Variants in PLBD2 observed in about 807,000 individuals in gnomAD.
The protein encoded by PLBD2 is putative aminopeptidase PLBD2.
Under a neutral mutation model 68.3 loss-of-function variants are expected in PLBD2, and 51 were observed. That is an observed-to-expected ratio of 0.75 (90% CI 0.60 to 0.94). The LOEUF (loss-of-function observed/expected upper bound fraction) is 0.94. PLBD2 is among the 40% of genes least tolerant of loss of function. PLBD2 has a pLI of 0.00. For synonymous variants in PLBD2, 314 were observed against 339.3 expected (o/e 0.93, Z 0.82); for missense variants, 729 against 792.2 (o/e 0.92, Z 0.96).
chr12:113,370,431 T>A (rs1015882665), intron 2 of PLBD2, among the ~76,000 whole-genome samples: 3 of 151,772 alleles, frequency 2.0e-5, no homozygotes, highest in African/African-American at 7.3e-5. Flanking sequence ...ATATTTTTTC[T>A]GTGTATCAGA....
rs1957394991 is a variant in PLBD2 at position 113,372,195 on chromosome 12, G to C, written c.385-454G>C. ...CAGGCGAGCCTGGACTCATGCAGGT[G>C]GCATCTCGGTGGGAAGTGCAGAGGG... is the stretch of plus-strand genomic sequence containing the variant. On this transcript the variant is annotated intron_variant, in intron 2 of 11. Coordinates refer to ENST00000280800, the MANE Select transcript of PLBD2 (RefSeq NM_173542.4). The surrounding 1 kb of genome is among the most constrained non-coding windows in gnomAD (Gnocchi z 4.2). Among the ~76,000 whole-genome samples the C allele has an allele frequency of 6.6e-6, 1 of 152,068 alleles. No individual in the cohort carries two copies. Among genetic ancestry groups the C allele is most frequent in the African/African-American group, 2.4e-5 (1 of 41,412 alleles).
rs1228703086 is a variant in PLBD2 at position 113,372,032 on chromosome 12, T to C, written c.385-617T>C. Among the ~76,000 whole-genome samples the C allele has an allele frequency of 6.6e-6, 1 of 152,124 alleles. No homozygotes were observed. The highest frequency in any genetic ancestry group is 6.5e-5 in the Admixed American group (1 of 15,268). On this transcript the variant is annotated intron_variant, in intron 2 of 11. Transcript: ENST00000280800. The surrounding 1 kb of genome is among the most constrained non-coding windows in gnomAD (Gnocchi z 4.2). The stretch of plus-strand genomic sequence containing the variant: ...GGAGGAGGTGGTGTCTTAGTGGGCC[T>C]TGAAGGATGAACAGGATTTGGATGT...
chr12:113,388,696 C>G lies in PLBD2; in HGVS notation c.*70C>G, dbSNP rs951766600. On this transcript the variant is annotated 3_prime_UTR_variant, in exon 12 of 12. Coordinates refer to ENST00000280800, the MANE Select transcript of PLBD2 (RefSeq NM_173542.4). ...CAGGGTCACCCCCGTCCCAAGGCCA[C>G]CGGACTTCTAACTCCAGCCCCTCCT... The G allele has an allele frequency of 4.1e-6, 6 of 1,469,204 alleles. No individual in the cohort carries two copies. Among genetic ancestry groups the G allele is most frequent in the Non-Finnish European group, 5.4e-6 (6 of 1,104,586 alleles). 91.0% of individuals were successfully genotyped at this position (1,469,204 alleles called of 1,614,324 possible).
intron 1 of PLBD2, among the ~76,000 whole-genome samples, chr12:113,360,114 T>C (rs768867804): frequency 7.2e-5 from 11 of 152,130 alleles, no homozygotes; most frequent in Non-Finnish European, 1.3e-4. Flanking sequence ...CCCATTCTGG[T>C]GGCACTTGGG....
At position 113,384,395 on chromosome 12, in the gene PLBD2, A is replaced by T. The variant is rs561928398; in HGVS notation, c.1118+130A>T. ...CACCCCACGCCCTCCTTTGTTTCAT[A>T]CATGGGGAGACTGAGGCTAGGGAAG... On this transcript the variant is annotated intron_variant, in intron 7 of 11. Transcript: ENST00000280800. The surrounding 1 kb of genome is among the most constrained non-coding windows in gnomAD (Gnocchi z 4.2). 2 of 1,182,682 alleles carry T rather than the reference A, an allele frequency of 1.7e-6. No homozygotes were observed. Among genetic ancestry groups the T allele is most frequent in the South Asian group, 1.6e-5 (1 of 61,144 alleles). 73.3% of individuals were successfully genotyped at this position (1,182,682 alleles called of 1,614,324 possible).
At chr12:113,387,198 G>A (rs1957561182) in intron 10 of PLBD2, 109 bp downstream of exon 10, 2 of 1,371,142 alleles carry the variant, frequency 1.5e-6, no homozygotes, top group African/African-American at 1.5e-5. Flanking sequence ...AGCCCCAGAG[G>A]GCCAGCAGGG....
chr12:113,373,041 A>G (rs1208215794), intron 3 of PLBD2, among the ~76,000 whole-genome samples: 3 of 151,698 alleles, frequency 2.0e-5, no homozygotes, highest in Admixed American at 1.3e-4. Context: ...AATAATGACC[A>G]AAAACAAATA....
intron 1 of PLBD2, among the ~76,000 whole-genome samples, chr12:113,363,816 C>T (rs1042801221): frequency 5.3e-5 from 8 of 152,150 alleles, no homozygotes; most frequent in Admixed American, 1.3e-4. Flanking sequence ...GGATTACAGG[C>T]GTGAGCCACT....
intron 1 of PLBD2, among the ~76,000 whole-genome samples, chr12:113,361,970 GCA>G (rs1423654242): frequency 2.6e-5 from 4 of 152,074 alleles, no homozygotes; most frequent in African/African-American, 9.7e-5. Flanking sequence ...CAACCAACAG[GCA>G]AAAACAGCCC....
chr12:113,374,840 A>G lies in PLBD2; in HGVS notation c.692A>G (p.Asn231Ser), dbSNP rs1164989282. 3 of 1,613,702 alleles carry G rather than the reference A, an allele frequency of 1.9e-6. No homozygotes were observed. The African/African-American group carries it at 4.0e-5, about 22-fold the overall frequency. Reference protein sequence around the residue: ...GDLEDLELALNKTKIKPSLGS... With the variant: ...GDLEDLELALSKTKIKPSLGS... ...CTGGAAGACCTGGAGCTGGCCCTGA[A>G]CAAGACCAAGATCAAACCTTCTCTG... The change falls in exon 5 of 12, where the codon AAC becomes AGC. Residue 231 changes from asparagine (N) to serine (S), a missense_variant. By Grantham distance (46) the Asn-to-Ser change is conservative. Coordinates refer to ENST00000280800, the MANE Select transcript of PLBD2 (RefSeq NM_173542.4).
In PLBD2 at chr12:113,372,700, G is replaced by C. The variant is rs995152986; in HGVS notation, c.436G>C (p.Glu146Gln). Residue 146 changes from glutamate (E) to glutamine (Q), a missense_variant, in exon 3 of 12, where the codon GAG becomes CAG. Coordinates refer to ENST00000280800, the MANE Select transcript of PLBD2 (RefSeq NM_173542.4). This position sits in a 1 kb window ranked among gnomAD's most constrained non-coding sequence, Gnocchi z 4.2. ...NTVVNYCGPF[E>Q]YEVGYCERLK... ...GGTGGTGAATTACTGCGGCCCCTTC[G>C]AGTATGAAGTCGGCTACTGCGAGAG... 1.2e-6 allele frequency: 2 copies of C among 1,613,962 alleles called. No individual in the cohort carries two copies. The highest frequency in any genetic ancestry group is 2.7e-5 in the African/African-American group (2 of 74,922).
intron 5 of PLBD2, among the ~76,000 whole-genome samples, chr12:113,380,377 C>T (rs1252473347): frequency 2.6e-5 from 4 of 152,134 alleles, no homozygotes; most frequent in African/African-American, 4.8e-5. Context: ...CCTCGTGATC[C>T]GCCTGCCTTG....
chr12:113,365,462 C>T (rs957248046), intron 1 of PLBD2, among the ~76,000 whole-genome samples: 1 of 151,922 alleles, frequency 6.6e-6, no homozygotes, highest in African/African-American at 2.4e-5. Flanking sequence ...TACAGGCACG[C>T]ACCACTACAC....
rs1957521985 is a variant in PLBD2, at chr12:113,384,044, G to C, written c.958-61G>C. 2.6e-6 allele frequency: 3 copies of C among 1,158,328 alleles called. No homozygotes were observed. Among genetic ancestry groups the C allele is most frequent in the Non-Finnish European group, 3.6e-6 (3 of 844,928 alleles). 71.8% of individuals were successfully genotyped at this position (1,158,328 alleles called of 1,614,324 possible). ...AATTTTTGGAGCCATGACTGATGAA[G>C]TACTGCCACTTGGTGGCAGCATGCC... is the stretch of plus-strand genomic sequence containing the variant. On this transcript the variant is annotated intron_variant, in intron 6 of 11. Transcript: ENST00000280800. This position sits in a 1 kb window ranked among gnomAD's most constrained non-coding sequence, Gnocchi z 4.2.
rs1044850920 is a variant in PLBD2 at position 113,380,790 on chromosome 12, A to G, written c.905A>G (p.Tyr302Cys). The G allele has an allele frequency of 6.4e-7, 1 of 1,555,680 alleles. No homozygotes were observed. The highest frequency in any genetic ancestry group is 2.4e-5 in the East Asian group (1 of 41,636). The change falls in exon 6 of 12, where the codon TAC becomes TGC. Residue 302 changes from tyrosine to cysteine, a missense_variant. Transcript: ENST00000280800. Reference sequence around the variant, plus strand: ...GGCAACAAGCTGGTCTTCTCCTCCTACCCCGGCACCATCTTCTCCTGCGAC... The same window carrying G: ...GGCAACAAGCTGGTCTTCTCCTCCTGCCCCGGCACCATCTTCTCCTGCGAC... ...VPGNKLVFSS[Y>C]PGTIFSCDDF...
intron 5 of PLBD2, among the ~76,000 whole-genome samples, chr12:113,378,291 CAAA>C (rs34764422): frequency 7.6e-6 from 1 of 131,468 alleles, no homozygotes; most frequent in Non-Finnish European, 1.7e-5. Context: ...GCCTCTGTCT[CAAA>C]AAAAAAAAAA....
rs35577217 is a variant in PLBD2, at chr12:113,389,989, A to C, written c.*1363A>C. ...CCAAAGTGCTTGGATTACAGATGTG[A>C]GCCCCCGCACCTGGCCTCATTTGTC... On this transcript the variant is annotated 3_prime_UTR_variant, in exon 12 of 12. Transcript: ENST00000280800. 0.027 allele frequency: 4,081 copies of C among 151,970 alleles called. 85 individuals carry two copies. The highest frequency in any genetic ancestry group is 0.089 in the Middle Eastern group (26 of 292). The allele number at this position is 151,970 out of a possible 1,614,324, so 9.4% of individuals were successfully genotyped here. A position where few individuals can be genotyped will look rare whatever the true frequency, so the allele number is the denominator to read the frequency against.
chr12:113,381,621 T>C (rs1050290850), intron 6 of PLBD2, among the ~76,000 whole-genome samples: 2 of 151,932 alleles, frequency 1.3e-5, no homozygotes, highest in African/African-American at 4.8e-5. Context: ...GGAACCCCCA[T>C]GCTGTGGCCC....
rs758981595 is a variant in PLBD2 at position 113,384,304 on chromosome 12, A to G, written c.1118+39A>G. ...TGGCCCTGTGGCTTCCCCTGCACCAAGAGATAGACCAACCTCCCCTTTAAC... is the reference window on the plus strand; with the variant it reads ...TGGCCCTGTGGCTTCCCCTGCACCAGGAGATAGACCAACCTCCCCTTTAAC... On this transcript the variant is annotated intron_variant, in intron 7 of 11. Transcript: ENST00000280800. The surrounding 1 kb of genome is among the most constrained non-coding windows in gnomAD (Gnocchi z 4.2). The G allele has an allele frequency of 6.3e-7, 1 of 1,575,898 alleles. No homozygotes were observed. Among genetic ancestry groups the G allele is most frequent in the African/African-American group, 1.3e-5 (1 of 74,100 alleles).
Sources: allele counts gnomAD v4.1 joint callset (sites outside exome capture counted in the v4.1 genomes callset), GRCh38; gene constraint gnomAD v4.1.1; non-coding constraint Gnocchi (gnomAD v3.1); transcripts MANE v1.5; gene names NCBI Gene and HGNC (gene_info 2026-07-23, HGNC 2026-07-21).